Variants in TNS3 observed in about 807,000 individuals in gnomAD.
TNS3 encodes the protein tensin-3.
Under a neutral mutation model 140.9 loss-of-function variants are expected in TNS3, and 45 were observed. That is an observed-to-expected ratio of 0.32 (90% CI 0.25 to 0.41). The LOEUF is 0.41. Among genes scored for constraint, TNS3 ranks in the 10% least tolerant of loss-of-function variants. The probability of loss-of-function intolerance (pLI) is 1.00; values close to 1 mark genes in which losing one functional copy is unlikely to be tolerated. For synonymous variants in TNS3, 815 were observed against 788.4 expected (o/e 1.03, Z -0.56); for missense variants, 1,716 against 1,906.7 (o/e 0.90, Z 1.86).
intron 17 of TNS3, among the ~76,000 whole-genome samples, chr7:47,356,129 C>T (rs1430915227): frequency 2.6e-5 from 4 of 152,192 alleles, no homozygotes; most frequent in Admixed American, 6.5e-5. Context: ...CCCTGCGGCA[C>T]GTTCCAGCCT....
At chr7:47,476,154 C>T (rs1465908140) in intron 4 of TNS3, among the ~76,000 whole-genome samples, 1 of 152,196 alleles carries the variant, frequency 6.6e-6, no homozygotes. Context: ...TTATTTCATT[C>T]GATCCTGGCA....
At chr7:47,307,202 A>G (rs1786811295) in intron 20 of TNS3, among the ~76,000 whole-genome samples, 1 of 152,158 alleles carries the variant, frequency 6.6e-6, no homozygotes, top group Non-Finnish European at 1.5e-5. Context: ...GGTTTATGTC[A>G]CTTTGCTTTA....
At chr7:47,424,262 C>T in intron 9 of TNS3, 78 bp from the exon 10 acceptor site, 1 of 1,457,380 alleles carries the variant, frequency 6.9e-7, no homozygotes, top group Non-Finnish European at 9.5e-7. Flanking sequence ...GGATGTGTCT[C>T]ATGGCTGTTC....
intron 4 of TNS3, among the ~76,000 whole-genome samples, chr7:47,454,568 G>A (rs575435363): frequency 1.3e-5 from 2 of 151,964 alleles, no homozygotes; most frequent in African/African-American, 2.4e-5. Context: ...TCCAACTCCC[G>A]CATTTTACAA....
At chr7:47,330,964 G>C (rs1222103899) in intron 20 of TNS3, among the ~76,000 whole-genome samples, 1 of 152,156 alleles carries the variant, frequency 6.6e-6, no homozygotes, top group Non-Finnish European at 1.5e-5. Flanking sequence ...CACCGGACTC[G>C]GGCGAACCTT....
In TNS3 at chr7:47,369,441, G is replaced by A. The variant is rs200656291; in HGVS notation, c.1205C>T (p.Thr402Met). ...DSGHSTASAR[T>M]DKTEERLAPG... ...GGCCAGGCGCTCTTCCGTCTTATCC[G>A]TCCTGGCAGAGGCTGTAGAGTGGCC... Residue 402 changes from threonine (T) to methionine (M), a missense_variant, in exon 17 of 31, where the codon ACG becomes ATG. By Grantham distance (81) the Thr-to-Met change is moderately conservative. This residue lies in a region of TNS3 where 1,163 missense variants were observed against 1,182.1 expected (regional missense o/e 0.98). Coordinates refer to ENST00000311160, the MANE Select transcript of TNS3 (RefSeq NM_022748.12). 57 of 1,614,022 alleles carry A rather than the reference G, an allele frequency of 3.5e-5. No individual in the cohort carries two copies. Among genetic ancestry groups the A allele is most frequent in the African/African-American group, 9.3e-5 (7 of 74,928 alleles).
chr7:47,388,942 G>A (rs992358824), intron 16 of TNS3, among the ~76,000 whole-genome samples: 1 of 148,620 alleles, frequency 6.7e-6, no homozygotes, highest in Admixed American at 6.9e-5. Context: ...AGAAGAAGAA[G>A]GAGAAGCAGA....
chr7:47,560,977 C>T (rs1584858086), intron 1 of TNS3, among the ~76,000 whole-genome samples: 1 of 152,228 alleles, frequency 6.6e-6, no homozygotes, highest in East Asian at 1.9e-4. Context: ...CTGCTCACCC[C>T]AGGGATTTTC....
intron 1 of TNS3, among the ~76,000 whole-genome samples, chr7:47,560,896 C>T (rs376126661): frequency 6.6e-6 from 1 of 152,248 alleles, no homozygotes; most frequent in East Asian, 1.9e-4. Context: ...GTGACCCCCA[C>T]ATCAGGCAGG....
At chr7:47,564,037 CA>C (rs61118970) in intron 1 of TNS3, among the ~76,000 whole-genome samples, 94,992 of 151,452 alleles carry the variant, frequency 0.63, 30,096 homozygotes, top group African/African-American at 0.72. Context: ...ACTAAAAATA[CA>C]AAAAAAATTA....
intron 20 of TNS3, among the ~76,000 whole-genome samples, chr7:47,326,068 C>T (rs1311022674): frequency 6.6e-6 from 1 of 152,192 alleles, no homozygotes. Context: ...ATGTCAACAG[C>T]TTTTAAATCA....
chr7:47,356,212 T>C (rs768826809), intron 17 of TNS3, among the ~76,000 whole-genome samples: 13 of 152,270 alleles, frequency 8.5e-5, no homozygotes, highest in Middle Eastern at 3.4e-3. Flanking sequence ...TATACAACAG[T>C]GGTTCTCAAA....
chr7:47,296,042 C>T lies in TNS3; in HGVS notation c.3676+1040G>A, dbSNP rs149111102. ...ACTGGGAACCAACGACCTGCAATGT[C>T]CCCTCAGTCCACAATTTCCATTTGG... On this transcript the variant is annotated intron_variant, in intron 24 of 30. Transcript: ENST00000311160. 3.6e-3 allele frequency among the ~76,000 whole-genome samples: 555 copies of T among 152,262 alleles called. 6 individuals carry two copies. Among genetic ancestry groups the T allele is most frequent in the African/African-American group, 0.013 (531 of 41,536 alleles).
intron 20 of TNS3, among the ~76,000 whole-genome samples, chr7:47,306,601 G>C (rs1584363142): frequency 1.3e-5 from 2 of 151,396 alleles, no homozygotes; most frequent in Non-Finnish European, 2.9e-5. Flanking sequence ...TGGAGACGGA[G>C]TCTCGCTCTG....
intron 20 of TNS3, among the ~76,000 whole-genome samples, chr7:47,317,318 C>T (rs1023443840): frequency 2.6e-5 from 4 of 152,320 alleles, no homozygotes; most frequent in African/African-American, 9.6e-5. Flanking sequence ...GAGACCATGC[C>T]ACAGTCTTCC....
At chr7:47,529,178 T>C in intron 1 of TNS3, 31 bp from the exon 2 acceptor site, 1 of 1,124,776 alleles carries the variant, frequency 8.9e-7, no homozygotes, top group South Asian at 1.4e-5. Context: ...ATTGTCAACG[T>C]TTCATCTCAT....
intron 14 of TNS3, 143 bp from the exon 15 acceptor site, chr7:47,400,601 A>G: frequency 8.0e-7 from 1 of 1,250,752 alleles, no homozygotes; most frequent in African/African-American, 1.5e-5. Context: ...AAGTATAGGC[A>G]GTTTCATTGG....
intron 2 of TNS3, among the ~76,000 whole-genome samples, chr7:47,520,601 A>C (rs1798938266): frequency 6.6e-6 from 1 of 152,218 alleles, no homozygotes; most frequent in Admixed American, 6.5e-5. Context: ...ATCCACGAGT[A>C]AAGTCCGTGT....
At chr7:47,574,058 C>T (rs1046894765) in intron 1 of TNS3, among the ~76,000 whole-genome samples, 3 of 152,142 alleles carry the variant, frequency 2.0e-5, no homozygotes, top group South Asian at 2.1e-4. Flanking sequence ...CAAACCAGAG[C>T]GAGCCCAGTT....
Sources: gnomAD v4.1 joint callset for allele counts (sites outside exome capture counted in the v4.1 genomes callset) on GRCh38, gnomAD v4.1.1 for gene constraint, gnomAD v4.1.1 regional missense constraint, MANE v1.5 for transcripts, NCBI Gene and HGNC (gene_info 2026-07-23, HGNC 2026-07-21) for gene names.